The following ARID1B variants were observed in gnomAD, a reference collection of about 807,000 sequenced individuals.
ARID1B encodes the protein AT-rich interaction domain 1B.
ARID1B carries 30 observed loss-of-function variants against 212.3 expected under a neutral mutation model. The observed-to-expected ratio is 0.14, with a 90% CI of 0.11 to 0.19. The LOEUF is 0.19. Ranked by LOEUF, ARID1B falls within the 10% of genes least tolerant of loss-of-function variation. The pLI is 1.00. For synonymous variants in ARID1B, 1,402 were observed against 1,301.7 expected (o/e 1.08, Z -1.66); for missense variants, 2,891 against 3,204.0 (o/e 0.90, Z 2.36).
chr6:156,841,696 G>T (rs1303243712), intron 2 of ARID1B, among the ~76,000 whole-genome samples: 5 of 152,066 alleles, frequency 3.3e-5, no homozygotes, highest in African/African-American at 1.2e-4. Flanking sequence ...CTTACTCTGG[G>T]TCAGGCACTT....
At chr6:157,093,470 A>G (rs1349933980) in intron 5 of ARID1B, among the ~76,000 whole-genome samples, 2 of 152,228 alleles carry the variant, frequency 1.3e-5, no homozygotes, top group Non-Finnish European at 2.9e-5. Flanking sequence ...CTCTTCCATA[A>G]CAGGGTGATA....
At chr6:157,123,424 T>C (rs1257298537) in intron 6 of ARID1B, among the ~76,000 whole-genome samples, 1 of 152,212 alleles carries the variant, frequency 6.6e-6, no homozygotes, top group Non-Finnish European at 1.5e-5. Flanking sequence ...GAACCATTTA[T>C]CTGGAAGGGC....
At chr6:156,954,203 C>CTT (rs531260991) in intron 4 of ARID1B, among the ~76,000 whole-genome samples, 13 of 139,990 alleles carry the variant, frequency 9.3e-5, no homozygotes, top group African/African-American at 3.4e-4. Flanking sequence ...AAATGAAGTT[C>CTT]TTTTTTTTTT....
chr6:156,804,756 G>C (rs79504923), intron 1 of ARID1B, among the ~76,000 whole-genome samples: 2,285 of 151,258 alleles, frequency 0.015, 62 homozygotes, highest in African/African-American at 0.053. Context: ...TAAGATTTGA[G>C]TGGGGACAAG....
intron 1 of ARID1B, among the ~76,000 whole-genome samples, chr6:156,802,462 T>G (rs1160958293): frequency 6.6e-6 from 1 of 152,214 alleles, no homozygotes; most frequent in African/African-American, 2.4e-5. Flanking sequence ...TGAAAAATAA[T>G]AAAATATTTA....
At chr6:157,047,749 T>A (rs1342815988) in intron 4 of ARID1B, among the ~76,000 whole-genome samples, 1 of 152,202 alleles carries the variant, frequency 6.6e-6, no homozygotes, top group Non-Finnish European at 1.5e-5. Context: ...TTTGATTGAC[T>A]CCATGTATCT....
chr6:156,941,750 T>G (rs1461815212), intron 4 of ARID1B: 2 of 152,222 alleles, frequency 1.3e-5, no homozygotes, highest in African/African-American at 2.4e-5. Context: ...ATATTTGTTC[T>G]GTAAATGAAA....
intron 1 of ARID1B, among the ~76,000 whole-genome samples, chr6:156,805,369 T>A (rs1383809366): frequency 6.6e-6 from 1 of 152,152 alleles, no homozygotes; most frequent in Non-Finnish European, 1.5e-5. Context: ...TTTTGTAAAA[T>A]GGGAATAATG....
At chr6:156,826,585 G>A (rs1464796154) in intron 1 of ARID1B, among the ~76,000 whole-genome samples, 1 of 152,166 alleles carries the variant, frequency 6.6e-6, no homozygotes, top group Non-Finnish European at 1.5e-5. Flanking sequence ...GACCCGTGCA[G>A]CCTTGGAGTG....
At chr6:157,195,555 C>T (rs1367421595) in intron 15 of ARID1B, 1 of 152,324 alleles carries the variant, frequency 6.6e-6, no homozygotes, top group Admixed American at 6.5e-5. Flanking sequence ...CTGTTAAGCC[C>T]CTTTTGCCAT....
intron 4 of ARID1B, among the ~76,000 whole-genome samples, chr6:157,038,683 A>G (rs1781494492): frequency 6.6e-6 from 1 of 152,152 alleles, no homozygotes; most frequent in African/African-American, 2.4e-5. Flanking sequence ...TGAATTTTTC[A>G]TTTTTTATTT....
At chr6:156,873,714 T>TA (rs1389044898) in intron 2 of ARID1B, among the ~76,000 whole-genome samples, 1 of 152,220 alleles carries the variant, frequency 6.6e-6, no homozygotes, top group Non-Finnish European at 1.5e-5. Context: ...CTCCTTCACT[T>TA]ACGTGGGTTT....
intron 3 of ARID1B, among the ~76,000 whole-genome samples, chr6:156,911,839 G>T (rs768289989): frequency 6.6e-6 from 1 of 152,102 alleles, no homozygotes; most frequent in Admixed American, 6.6e-5. Flanking sequence ...TCAAAACCAC[G>T]AGCAGGCATA....
At chr6:156,781,763 T>G (rs1779285742) in intron 1 of ARID1B, among the ~76,000 whole-genome samples, 1 of 152,088 alleles carries the variant, frequency 6.6e-6, no homozygotes, top group African/African-American at 2.4e-5. Flanking sequence ...CCCACGTAAT[T>G]AATTTTAAAA....
At chr6:157,079,757 A>AT (rs1562600023) in intron 4 of ARID1B, among the ~76,000 whole-genome samples, 2 of 152,170 alleles carry the variant, frequency 1.3e-5, no homozygotes, top group African/African-American at 2.4e-5. Flanking sequence ...ATTTAGTGAT[A>AT]TTTACCGATG....
At chr6:157,091,621 T>A (rs9372042) in intron 5 of ARID1B, among the ~76,000 whole-genome samples, 73,467 of 151,992 alleles carry the variant, frequency 0.48, 17,932 homozygotes, top group East Asian at 0.59. Flanking sequence ...GTCTAATTTG[T>A]CAAGATTAGT....
Position 157,200,551 on chromosome 6 carries a change from G to T in ARID1B, c.4480-154G>T, listed in dbSNP as rs1361012196. On this transcript the variant is annotated intron_variant, in intron 17 of 19. Coordinates refer to ENST00000636930, the MANE Select transcript of ARID1B (RefSeq NM_001374828.1). The surrounding 1 kb of genome is among the most constrained non-coding windows in gnomAD (Gnocchi z 4.3). ...ATGGTGTATATAATACTGAAATATT[G>T]AACATAAATTGTTAGTTCTCTGTTG... Among the ~76,000 whole-genome samples, 1 of 151,986 alleles carries T rather than the reference G, an allele frequency of 6.6e-6. No individual in the cohort carries two copies. The highest frequency in any genetic ancestry group is 2.4e-5 in the African/African-American group (1 of 41,354).
intron 8 of ARID1B, among the ~76,000 whole-genome samples, chr6:157,165,669 C>T (rs1402256052): frequency 6.6e-6 from 1 of 151,940 alleles, no homozygotes; most frequent in Non-Finnish European, 1.5e-5. Flanking sequence ...GGCAACATGG[C>T]AAAACCCCGT....
chr6:157,102,633 G>A (rs1786142313), intron 5 of ARID1B, among the ~76,000 whole-genome samples: 1 of 90,816 alleles, frequency 1.1e-5, no homozygotes, highest in East Asian at 3.7e-4. Context: ...TTTTTTTTGA[G>A]ACGGAGTCTT....
Sources: allele counts gnomAD v4.1 joint callset (sites outside exome capture counted in the v4.1 genomes callset), GRCh38; gene constraint gnomAD v4.1.1; non-coding constraint Gnocchi (gnomAD v3.1); transcripts MANE v1.5; gene names NCBI Gene and HGNC (gene_info 2026-07-23, HGNC 2026-07-21).